Variants in GRXCR1 observed in about 807,000 individuals in gnomAD.
GRXCR1 encodes the protein glutaredoxin and cysteine rich domain containing 1.
Under a neutral mutation model 27.3 loss-of-function variants are expected in GRXCR1, and 27 were observed. The observed-to-expected ratio is 0.99, with a 90% CI of 0.73 to 1.37. GRXCR1 has a LOEUF of 1.37. Among genes scored for constraint, GRXCR1 ranks in the 40% most tolerant of loss-of-function variants. The pLI is 0.00. For missense variants in GRXCR1, 379 were observed against 354.4 expected, an observed-to-expected ratio of 1.07 and a Z score of -0.56; for synonymous variants, 122 against 131.1, an observed-to-expected ratio of 0.93 and a Z score of 0.47.
intron 2 of GRXCR1, among the ~76,000 whole-genome samples, chr4:43,014,349 G>C (rs992221872): frequency 2.0e-5 from 3 of 152,070 alleles, no homozygotes; most frequent in Non-Finnish European, 4.4e-5. Flanking sequence ...TCTCCAAGCA[G>C]AGTTGATGAA....
At chr4:42,950,291 G>A (rs991122396) in intron 1 of GRXCR1, among the ~76,000 whole-genome samples, 31 of 152,074 alleles carry the variant, frequency 2.0e-4, no homozygotes, top group African/African-American at 7.5e-4. Context: ...TCTGCAACTT[G>A]AATATTTTAA....
At chr4:42,984,546 C>A (rs971618790) in intron 2 of GRXCR1, among the ~76,000 whole-genome samples, 2 of 152,174 alleles carry the variant, frequency 1.3e-5, no homozygotes, top group Non-Finnish European at 2.9e-5. Flanking sequence ...CTGAATTAGC[C>A]CTTCAACAGT....
chr4:42,925,125 A>C (rs192702542), intron 1 of GRXCR1, among the ~76,000 whole-genome samples: 1 of 151,908 alleles, frequency 6.6e-6, no homozygotes, highest in Non-Finnish European at 1.5e-5. Flanking sequence ...GAGTATATTT[A>C]AAGAGCACAT....
intron 1 of GRXCR1, among the ~76,000 whole-genome samples, chr4:42,938,050 G>C (rs553736225): frequency 1.3e-5 from 2 of 151,858 alleles, no homozygotes; most frequent in Non-Finnish European, 1.5e-5. Context: ...TGTACTCACT[G>C]ACCATCCAAA....
intron 2 of GRXCR1, among the ~76,000 whole-genome samples, chr4:42,995,814 A>G (rs1048321197): frequency 2.0e-5 from 3 of 152,250 alleles, no homozygotes; most frequent in Admixed American, 2.0e-4. Context: ...CCATAACAAA[A>G]TATCAGGTTT....
chr4:42,948,654 G>A (rs1397353145), intron 1 of GRXCR1, among the ~76,000 whole-genome samples: 1 of 151,894 alleles, frequency 6.6e-6, no homozygotes, highest in Admixed American at 6.6e-5. Context: ...CCTGGAACCT[G>A]TGAATATGTT....
chr4:42,962,804 G>A (rs1748153795), intron 1 of GRXCR1, 88 bp from the exon 2 acceptor site: 2 of 1,481,100 alleles, frequency 1.4e-6, no homozygotes, highest in Non-Finnish European at 1.9e-6. Context: ...TTATTGCATG[G>A]CTTTAACGCA....
intron 1 of GRXCR1, among the ~76,000 whole-genome samples, chr4:42,904,698 A>G (rs1457168902): frequency 3.3e-5 from 5 of 152,194 alleles, no homozygotes; most frequent in Non-Finnish European, 4.4e-5. Context: ...CTCAATAAAT[A>G]CTATCATTTT....
At chr4:42,899,170 A>T (rs1267612779) in intron 1 of GRXCR1, among the ~76,000 whole-genome samples, 4 of 152,140 alleles carry the variant, frequency 2.6e-5, no homozygotes, top group African/African-American at 7.2e-5. Context: ...CCTCTTCTCC[A>T]TCTCTTTTGG....
intron 1 of GRXCR1, among the ~76,000 whole-genome samples, chr4:42,904,094 C>T (rs1746531097): frequency 6.6e-6 from 1 of 152,128 alleles, no homozygotes; most frequent in Non-Finnish European, 1.5e-5. Flanking sequence ...GGATTCTTTC[C>T]CCACACATTG....
intron 2 of GRXCR1, among the ~76,000 whole-genome samples, chr4:43,001,245 G>A (rs1712347280): frequency 6.6e-6 from 1 of 151,922 alleles, no homozygotes; most frequent in African/African-American, 2.4e-5. Flanking sequence ...TATACTTTTA[G>A]TGAGTCTCTA....
At chr4:42,995,152 TTAAGA>T (rs1170687200) in intron 2 of GRXCR1, among the ~76,000 whole-genome samples, 2 of 152,194 alleles carry the variant, frequency 1.3e-5, no homozygotes, top group Non-Finnish European at 2.9e-5. Flanking sequence ...TTTGAATTTG[TTAAGA>T]TATTTCCCTC....
chr4:42,992,369 C>G (rs1712000242), intron 2 of GRXCR1, among the ~76,000 whole-genome samples: 1 of 152,094 alleles, frequency 6.6e-6, no homozygotes, highest in South Asian at 2.1e-4. Flanking sequence ...ATGCCACTTT[C>G]TCTGCACACC....
At chr4:42,979,395 G>T (rs1484072048) in intron 2 of GRXCR1, among the ~76,000 whole-genome samples, 1 of 152,032 alleles carries the variant, frequency 6.6e-6, no homozygotes, top group African/African-American at 2.4e-5. Context: ...ATTATGAAAA[G>T]ATGTTGAATT....
chr4:43,030,410 T>G lies in GRXCR1; in HGVS notation c.743T>G (p.Leu248Arg), dbSNP rs749727166. The change falls in exon 4 of 4, where the codon CTT becomes CGT. Residue 248 changes from leucine to arginine, a missense_variant. By Grantham distance (102) the Leu-to-Arg change is moderately radical (BLOSUM62 -2). Transcript: ENST00000399770. Reference sequence around the variant, plus strand: ...CCCTCTTGTGGAGGCTTTGGCTTTCTTCCATGCTCCGTGTGCCATGGGAGC... The same window carrying G: ...CCCTCTTGTGGAGGCTTTGGCTTTCGTCCATGCTCCGTGTGCCATGGGAGC... ...ECPSCGGFGF[L>R]PCSVCHGSKM... The G allele has an allele frequency of 4.3e-6, 7 of 1,613,976 alleles. No homozygotes were observed. Among genetic ancestry groups the G allele is most frequent in the African/African-American group, 2.7e-5 (2 of 74,898 alleles).
chr4:42,954,026 G>A (rs1409908299), intron 1 of GRXCR1, among the ~76,000 whole-genome samples: 1 of 152,132 alleles, frequency 6.6e-6, no homozygotes, highest in Non-Finnish European at 1.5e-5. Flanking sequence ...CTGATTAAAT[G>A]TATGGAAAAG....
At chr4:42,925,425 G>T (rs540326470) in intron 1 of GRXCR1, among the ~76,000 whole-genome samples, 1 of 152,050 alleles carries the variant, frequency 6.6e-6, no homozygotes, top group South Asian at 2.1e-4. Flanking sequence ...ATTTTATAAA[G>T]TGCATCAGGA....
At chr4:42,997,053 C>T (rs1712190104) in intron 2 of GRXCR1, among the ~76,000 whole-genome samples, 1 of 151,948 alleles carries the variant, frequency 6.6e-6, no homozygotes, top group African/African-American at 2.4e-5. Flanking sequence ...GCCATTTTGA[C>T]AATTTATTGA....
chr4:42,902,936 T>A (rs1292044674), intron 1 of GRXCR1, among the ~76,000 whole-genome samples: 4 of 152,094 alleles, frequency 2.6e-5, no homozygotes, highest in Non-Finnish European at 4.4e-5. Context: ...CCCCAAGGGG[T>A]CATCTTAATT....
Sources: gnomAD v4.1 joint callset for allele counts (sites outside exome capture counted in the v4.1 genomes callset) on GRCh38, gnomAD v4.1.1 for gene constraint, MANE v1.5 for transcripts, NCBI Gene and HGNC (gene_info 2026-07-23, HGNC 2026-07-21) for gene names.